DNAH17: variants seen among roughly 807,000 people sequenced by gnomAD.
DNAH17 encodes dynein axonemal heavy chain 17, also known as axonemal beta dynein heavy chain 17.
A neutral mutation model predicts 485.6 loss-of-function variants in DNAH17; 376 were observed. That is an observed-to-expected ratio of 0.77 (90% CI 0.71 to 0.84). The LOEUF (loss-of-function observed/expected upper bound fraction) is 0.84. Ranked by LOEUF, DNAH17 falls within the 40% of genes least tolerant of loss-of-function variation. The pLI is 0.00. For missense variants in DNAH17, 6,370 were observed against 5,839.3 expected (o/e 1.09, Z -2.96); for synonymous variants, 3,031 against 2,405.9 (o/e 1.26, Z -7.60).
At chr17:78,451,764 G>A (rs761153582) in intron 65 of DNAH17, 91 bp from the exon 66 acceptor site, 240 of 1,127,348 alleles carry the variant, frequency 2.1e-4, no homozygotes, top group Non-Finnish European at 2.8e-4. Context: ...CCAGCCCCAG[G>A]CCAGGCCGCC....
intron 25 of DNAH17, among the ~76,000 whole-genome samples, chr17:78,520,579 CAT>C (rs557226339): frequency 1.8e-3 from 281 of 152,296 alleles, no homozygotes; most frequent in Non-Finnish European, 3.1e-3. Context: ...CCCAAACAAA[CAT>C]GTGCAAACCA....
chr17:78,429,159 C>A lies in DNAH17; in HGVS notation c.12367G>T (p.Ala4123Ser). 1 of 1,613,506 alleles carries A rather than the reference C, an allele frequency of 6.2e-7. No homozygotes were observed. Among genetic ancestry groups the A allele is most frequent in the South Asian group, 1.1e-5 (1 of 91,066 alleles). The part of the protein sequence containing the change: ...TEMLEGDVLL[A>S]PGFQIPPNLD... ...TTGGGGGGGATCTGAAAGCCGGGGG[C>A]CAGCAGGACGTCTCCCTCCAGCATC... Residue 4123 changes from alanine (A) to serine (S), a missense_variant, in exon 76 of 81, where the codon GCC (alanine) becomes TCC (serine). Physicochemically the swap from Ala to Ser is moderately conservative, Grantham distance 99. Transcript: ENST00000389840.
At position 78,495,066 on chromosome 17, in the gene DNAH17, G is replaced by A. The variant is rs2090017892; in HGVS notation, c.5935C>T (p.Leu1979=). 10 of 1,610,556 alleles carry A rather than the reference G, an allele frequency of 6.2e-6. No homozygotes were observed. The Middle Eastern group carries it at 8.2e-4, about 133-fold the overall frequency. Residue 1979 remains leucine, a synonymous_variant, in exon 39 of 81, where the codon CTG becomes TTG. Transcript: ENST00000389840. ...PCAMVVPDFE[L]ICEIMLMAEG... is the part of the protein sequence containing the mutation. The stretch of plus-strand genomic sequence containing the variant: ...GCCATGAGCATGATCTCACATATCA[G>A]TTCGAAGTCGGGGACGACCATGGCA...
rs1568069699 is a variant in DNAH17, at chr17:78,451,647, A to AC, written c.10555dup (p.Val3519GlyfsTer71). 2 of 1,583,136 alleles carry AC rather than the reference A, an allele frequency of 1.3e-6. No homozygotes were observed. The highest frequency in any genetic ancestry group is 1.7e-6 in the Non-Finnish European group (2 of 1,164,610). The stretch of plus-strand genomic sequence containing the variant: ...CAGGCGGAACTTGGGGTGGTACTCC[A>AC]CCTCCTTGTCACCGATCTTAATGTA... On this transcript the variant is annotated frameshift_variant, in exon 66 of 81. Transcript: ENST00000389840. LOFTEE classifies it high-confidence loss of function.
At position 78,423,786 on chromosome 17, in the gene DNAH17, ATTAT is replaced by A. The variant is rs979108910; in HGVS notation, c.*116_*119del. ...GATGTGCTTGGTTACAAAGCACCTGATTATTTAAGAGAACGAAAAACCACCACCA... is the reference window on the plus strand; with the variant it reads ...GATGTGCTTGGTTACAAAGCACCTGATTAAGAGAACGAAAAACCACCACCA... On this transcript the variant is annotated 3_prime_UTR_variant, in exon 81 of 81. Transcript: ENST00000389840. The A allele has an allele frequency of 1.7e-5, 22 of 1,331,672 alleles. No individual in the cohort carries two copies. Among genetic ancestry groups the A allele is most frequent in the Non-Finnish European group, 2.2e-5 (21 of 964,396 alleles). The allele number at this position is 1,331,672 out of a possible 1,614,324, so 82.5% of individuals were successfully genotyped here.
chr17:78,425,258 C>T, intron 80 of DNAH17, 88 bp downstream of exon 80: 2 of 1,348,242 alleles, frequency 1.5e-6, no homozygotes, highest in Non-Finnish European at 2.1e-6. Flanking sequence ...CTTGAACAGC[C>T]TGTCTTTGCC....
rs1419156249 is a variant in DNAH17 at position 78,567,934 on chromosome 17, G to A, written c.1285-768C>T. Among the ~76,000 whole-genome samples the A allele has an allele frequency of 3.3e-5, 5 of 152,130 alleles. No individual in the cohort carries two copies. The South Asian group carries it at 8.3e-4, about 25-fold the overall frequency. ...GCACAGTGCAGGCAGAGTTTAGACT[G>A]GAGATCTTCCTGTGGACTTGACATC... On this transcript the variant is annotated intron_variant, in intron 9 of 80. Transcript: ENST00000389840.
chr17:78,515,273 C>T (rs1307855405), intron 25 of DNAH17, among the ~76,000 whole-genome samples: 1 of 152,206 alleles, frequency 6.6e-6, no homozygotes, highest in Non-Finnish European at 1.5e-5. Context: ...CTTTGGGAGG[C>T]CGAGGTGAGC....
At chr17:78,540,260 A>G (rs2091486264) in intron 17 of DNAH17, among the ~76,000 whole-genome samples, 1 of 147,384 alleles carries the variant, frequency 6.8e-6, no homozygotes, top group African/African-American at 2.5e-5. Flanking sequence ...CAAATTCATG[A>G]AGGTGAAGGT....
At chr17:78,458,393 G>A in intron 62 of DNAH17, 172 bp downstream of exon 62, 6 of 618,458 alleles carry the variant, frequency 9.7e-6, no homozygotes, top group Non-Finnish European at 1.7e-5. Context: ...GGAGGCCACT[G>A]ACTATGCAAG....
intron 24 of DNAH17, among the ~76,000 whole-genome samples, chr17:78,525,389 C>T (rs748870751): frequency 2.6e-5 from 4 of 152,242 alleles, no homozygotes; most frequent in Admixed American, 6.5e-5. Flanking sequence ...CCCACACCAG[C>T]GTGGGGACTG....
rs771554510 is a variant in DNAH17, at chr17:78,453,424, G to A, written c.10448C>T (p.Thr3483Ile). 37 of 1,613,842 alleles carry A rather than the reference G, an allele frequency of 2.3e-5. No homozygotes were observed. Among genetic ancestry groups the A allele is most frequent in the Non-Finnish European group, 2.7e-5 (32 of 1,179,856 alleles). The change falls in exon 65 of 81, where the codon ACC becomes ATC. Residue 3483 changes from threonine (T) to isoleucine (I), a missense_variant. Coordinates refer to ENST00000389840, the MANE Select transcript of DNAH17 (RefSeq NM_173628.4). ...VIEQAISEGD[T>I]LLIENIGETV... ...TTCGCCGATGTTCTCAATGAGCAAG[G>A]TGTCCCCTTCCGAGATGGCCTGCTC...
chr17:78,451,517 G>A lies in DNAH17; in HGVS notation c.10686C>T (p.Leu3562=). ...GCTCTTTGGCCACCACAGCGGCCAA[G>A]AGTTGGTCCTCGAGTCCATCCCTGG... ...LVTRDGLEDQ[L]LAAVVAKERP... Residue 3562 remains leucine, a synonymous_variant, in exon 66 of 81, where the codon CTC becomes CTT. Transcript: ENST00000389840. The A allele has an allele frequency of 6.2e-7, 1 of 1,613,856 alleles. No homozygotes were observed. Among genetic ancestry groups the A allele is most frequent in the Non-Finnish European group, 8.5e-7 (1 of 1,179,814 alleles).
chr17:78,480,620 C>G (rs1002524343), intron 49 of DNAH17, 64 bp downstream of exon 49: 22 of 1,408,270 alleles, frequency 1.6e-5, no homozygotes, highest in Admixed American at 2.2e-5. Context: ...CTTTTCCTCT[C>G]ATTTGCCAGA....
Position 78,552,039 on chromosome 17 carries a change from C to A in DNAH17, c.2288-401G>T, listed in dbSNP as rs530026957. Among the ~76,000 whole-genome samples the A allele has an allele frequency of 3.3e-5, 5 of 152,168 alleles. No individual in the cohort carries two copies. In the East Asian group the frequency reaches 9.6e-4, roughly 29 times the overall value. ...TTAACACTCATCACTATGAGACAGCCCTGGGAAAATACTCCTATTCTGGAA... is the reference window on the plus strand; with the variant it reads ...TTAACACTCATCACTATGAGACAGCACTGGGAAAATACTCCTATTCTGGAA... On this transcript the variant is annotated intron_variant, in intron 15 of 80. Transcript: ENST00000389840.
rs1568112293 is a variant in DNAH17, at chr17:78,475,481, GGA to G, written c.8320-14_8320-13del. ...TCCTCAAACAGCACCTGCAGAAACCGGAGAGATCCCACAACATCTTGTAGCAC... is the reference window on the plus strand; with the variant it reads ...TCCTCAAACAGCACCTGCAGAAACCGGAGATCCCACAACATCTTGTAGCAC... On this transcript the variant is annotated splice_polypyrimidine_tract_variant and intron_variant, in intron 53 of 80. Coordinates refer to ENST00000389840, the MANE Select transcript of DNAH17 (RefSeq NM_173628.4). The G allele has an allele frequency of 1.2e-6, 2 of 1,613,426 alleles. No homozygotes were observed. Among genetic ancestry groups the G allele is most frequent in the East Asian group, 2.2e-5 (1 of 44,874 alleles).
Position 78,466,665 on chromosome 17 carries a change from T to C in DNAH17, c.8930A>G (p.Glu2977Gly). ...SVSARFLEETEGIPWEVKASI... is the reference protein window; with the variant it reads ...SVSARFLEETGGIPWEVKASI... ...GCCTCAGTGACTCACCGGAATCCCC[T>C]CAGTCTCCTCCAGGAAGCGGGCGCT... Residue 2977 changes from glutamate (E) to glycine (G), a missense_variant, in exon 56 of 81, where the codon GAG becomes GGG. Transcript: ENST00000389840. 1 of 1,609,704 alleles carries C rather than the reference T, an allele frequency of 6.2e-7. No homozygotes were observed. Among genetic ancestry groups the C allele is most frequent in the Non-Finnish European group, 8.5e-7 (1 of 1,178,164 alleles).
intron 54 of DNAH17, 104 bp downstream of exon 54, chr17:78,475,174 G>A (rs142201915): frequency 3.1e-5 from 40 of 1,305,102 alleles, no homozygotes; most frequent in South Asian, 1.1e-4. Flanking sequence ...GGTGATGCTC[G>A]GATTCCCTGT....
intron 54 of DNAH17, among the ~76,000 whole-genome samples, chr17:78,470,069 C>CT (rs34298026): frequency 0.77 from 71,507 of 93,410 alleles, 28,133 homozygotes; most frequent in Admixed American, 0.81. Context: ...ATGTCTTACT[C>CT]TTTTTTTTTT....
Sources: gnomAD v4.1 joint callset for allele counts (sites outside exome capture counted in the v4.1 genomes callset) on GRCh38, gnomAD v4.1.1 for gene constraint, MANE v1.5 for transcripts, NCBI Gene and HGNC (gene_info 2026-07-23, HGNC 2026-07-21) for gene names.